CHD8: variants seen among roughly 807,000 people sequenced by gnomAD.
CHD8 encodes the protein ATP-dependent chromatin remodeler CHD8.
CHD8 carries 31 observed loss-of-function variants against 279.2 expected under a neutral mutation model. The ratio of observed to expected loss-of-function variants is 0.11; its 90% confidence interval spans 0.08 to 0.15. The LOEUF is 0.15. CHD8 is among the 10% of genes least tolerant of loss of function. The pLI is 1.00. For missense variants in CHD8, 2,146 were observed against 3,230.5 expected (o/e 0.66, Z 8.14); for synonymous variants, 1,081 against 1,139.6 (o/e 0.95, Z 1.04).
intron 5 of CHD8, 47 bp from the exon 6 acceptor site, chr14:21,415,954 A>G (rs767703879): frequency 3.1e-5 from 47 of 1,500,358 alleles, no homozygotes; most frequent in Non-Finnish European, 4.2e-5. Flanking sequence ...TCTCTCACAG[A>G]GAAGACTTTT....
intron 11 of CHD8, among the ~76,000 whole-genome samples, chr14:21,409,076 C>G (rs1888370837): frequency 1.3e-5 from 2 of 152,152 alleles, no homozygotes; most frequent in Admixed American, 1.3e-4. Context: ...ACTGGCTTCC[C>G]TCTCTCATCT....
rs747522250 is a variant in CHD8 at position 21,394,475 on chromosome 14, G to A, written c.5401C>T (p.Arg1801Cys). The A allele has an allele frequency of 8.8e-6, 14 of 1,596,302 alleles. No homozygotes were observed. Among genetic ancestry groups the A allele is most frequent in the East Asian group, 2.3e-5 (1 of 44,282 alleles). Reference sequence around the variant, plus strand: ...ACTCGATAAAAATCAGTTTGTTCACGCCTTGTCCATCTACAAAAGGAAAAG... The same window carrying A: ...ACTCGATAAAAATCAGTTTGTTCACACCTTGTCCATCTACAAAAGGAAAAG... Reference protein sequence around the residue: ...RREKQQRWTRREQTDFYRVVS... With the variant: ...RREKQQRWTRCEQTDFYRVVS... The change falls in exon 31 of 38, where the codon CGT becomes TGT. Residue 1801 changes from arginine (R) to cysteine (C), a missense_variant. Arg to Cys is a radical substitution (Grantham distance 180). This residue lies in a region of CHD8 where 513 missense variants were observed against 637.6 expected (regional missense o/e 0.80). Transcript: ENST00000646647.
intron 1 of CHD8, among the ~76,000 whole-genome samples, chr14:21,441,711 A>T (rs1001896977): frequency 2.3e-4 from 35 of 152,004 alleles, no homozygotes; most frequent in African/African-American, 5.1e-4. Flanking sequence ...ACACGGTGAA[A>T]CCCCGTCTCT....
At chr14:21,450,148 T>C (rs1890222879) in intron 1 of CHD8, among the ~76,000 whole-genome samples, 1 of 152,138 alleles carries the variant, frequency 6.6e-6, no homozygotes, top group Non-Finnish European at 1.5e-5. Context: ...AAAAAAAAGA[T>C]GAAAAAATTC....
rs974744912 is a variant in CHD8, at chr14:21,401,608, A to G, written c.4063-95T>C. 5 of 782,298 alleles carry G rather than the reference A, an allele frequency of 6.4e-6. No individual in the cohort carries two copies. The Admixed American group carries it at 8.1e-5, about 13-fold the overall frequency. The allele number at this position is 782,298 out of a possible 1,614,324, so 48.5% of individuals were successfully genotyped here. ...TTTAAAAACATTTTTTTTTTGAGAC[A>G]CAGTCTTGCTCTGTTGCCCAGGCTG... On this transcript the variant is annotated intron_variant, in intron 20 of 37. Transcript: ENST00000646647.
chr14:21,415,070 G>A (rs1888655897), intron 7 of CHD8, 77 bp from the exon 8 acceptor site: 1 of 903,150 alleles, frequency 1.1e-6, no homozygotes, highest in Non-Finnish European at 1.8e-6. Context: ...ACCACACATT[G>A]CAGAACTTCA....
Position 21,424,320 on chromosome 14 carries a change from T to C in CHD8, c.1716+1808A>G, listed in dbSNP as rs183737132. On this transcript the variant is annotated intron_variant, in intron 5 of 37. Coordinates refer to ENST00000646647, the MANE Select transcript of CHD8 (RefSeq NM_001170629.2). ...ATCATATATAGTAAATTTCCACAAGTATTTGAGTTGATTTCTAAGCTCTAC... is the reference window on the plus strand; with the variant it reads ...ATCATATATAGTAAATTTCCACAAGCATTTGAGTTGATTTCTAAGCTCTAC... Among the ~76,000 whole-genome samples, 427 of 152,344 alleles carry C rather than the reference T, an allele frequency of 2.8e-3. 3 individuals are homozygous for C. The highest frequency in any genetic ancestry group is 9.6e-3 in the African/African-American group (399 of 41,592).
At chr14:21,448,350 T>C (rs1890175268) in intron 1 of CHD8, among the ~76,000 whole-genome samples, 1 of 152,220 alleles carries the variant, frequency 6.6e-6, no homozygotes, top group Non-Finnish European at 1.5e-5. Context: ...GCTTAAAGTA[T>C]TTCACATAAT....
intron 10 of CHD8, among the ~76,000 whole-genome samples, chr14:21,410,774 T>C (rs940672109): frequency 1.3e-5 from 2 of 152,192 alleles, no homozygotes; most frequent in African/African-American, 2.4e-5. Flanking sequence ...CATAGAAAAC[T>C]TAAAATAGCC....
intron 5 of CHD8, among the ~76,000 whole-genome samples, chr14:21,423,545 A>G (rs1889151579): frequency 6.6e-6 from 1 of 151,630 alleles, no homozygotes; most frequent in African/African-American, 2.4e-5. Flanking sequence ...GGGGGGAGTC[A>G]GGGGGTGCAG....
At chr14:21,397,639 G>A in intron 27 of CHD8, 184 bp downstream of exon 27, 1 of 579,454 alleles carries the variant, frequency 1.7e-6, no homozygotes, top group Non-Finnish European at 3.0e-6. Flanking sequence ...TTCACCCTCA[G>A]ATGTATCTTA....
chr14:21,437,349 C>T (rs192027830), intron 1 of CHD8: 2 of 910,272 alleles, frequency 2.2e-6, no homozygotes, highest in South Asian at 2.2e-5. Context: ...AGACGCAAAA[C>T]AGCGCAAAGG....
intron 1 of CHD8, among the ~76,000 whole-genome samples, chr14:21,451,803 T>C (rs1269054760): frequency 6.6e-6 from 1 of 152,042 alleles, no homozygotes; most frequent in Non-Finnish European, 1.5e-5. Flanking sequence ...GGAAACTATA[T>C]AATTAATAAT....
chr14:21,421,194 A>G (rs549645335), intron 5 of CHD8, among the ~76,000 whole-genome samples: 1 of 152,196 alleles, frequency 6.6e-6, no homozygotes, highest in Non-Finnish European at 1.5e-5. Flanking sequence ...CTCTTCAAAG[A>G]TACATATTCT....
At chr14:21,451,655 T>G (rs923400959) in intron 1 of CHD8, among the ~76,000 whole-genome samples, 1 of 150,906 alleles carries the variant, frequency 6.6e-6, no homozygotes, top group South Asian at 2.1e-4. Flanking sequence ...ATTTTTATTA[T>G]CCTGTACCAT....
chr14:21,393,012 T>C, intron 33 of CHD8, 94 bp downstream of exon 33: 1 of 1,407,524 alleles, frequency 7.1e-7, no homozygotes, highest in East Asian at 2.4e-5. Flanking sequence ...AACACAATTT[T>C]AAAAATCCAG....
chr14:21,439,841 G>A (rs1357271643), intron 1 of CHD8, among the ~76,000 whole-genome samples: 1 of 152,096 alleles, frequency 6.6e-6, no homozygotes, highest in Non-Finnish European at 1.5e-5. Context: ...TTTCTAATCT[G>A]AGCCTAATAT....
At chr14:21,409,366 G>A (rs1305136757) in intron 11 of CHD8, among the ~76,000 whole-genome samples, 1 of 152,058 alleles carries the variant, frequency 6.6e-6, no homozygotes, top group East Asian at 1.9e-4. Flanking sequence ...CGGAGGGAGA[G>A]GAGGAGATTA....
rs1016826859 is a variant in CHD8, at chr14:21,428,149, C to T, written c.1321G>A (p.Gly441Arg). 6.2e-7 allele frequency: 1 copy of T among 1,613,902 alleles called. No individual in the cohort carries two copies. The highest frequency in any genetic ancestry group is 1.3e-5 in the African/African-American group (1 of 74,918). The change falls in exon 4 of 38, where the codon GGG becomes AGG. Residue 441 changes from glycine (G) to arginine (R), a missense_variant. Gly to Arg is a moderately radical substitution (Grantham distance 125, BLOSUM62 -2). Coordinates refer to ENST00000646647, the MANE Select transcript of CHD8 (RefSeq NM_001170629.2). ...SSPASSAPHS[G>R]GKTGMEENRR... is the part of the protein sequence containing the mutation. ...TTTTCCTCCATTCCTGTCTTTCCCC[C>T]CGAATGAGGAGCAGAGCTTGCTGGT...
Sources: allele counts gnomAD v4.1 joint callset (sites outside exome capture counted in the v4.1 genomes callset), GRCh38; gene constraint gnomAD v4.1.1; regional missense constraint gnomAD v4.1.1; transcripts MANE v1.5; gene names NCBI Gene and HGNC (gene_info 2026-07-23, HGNC 2026-07-21).